PLEKHG1: variants seen among roughly 807,000 people sequenced by gnomAD.
PLEKHG1 encodes the protein pleckstrin homology and RhoGEF domain containing G1.
In PLEKHG1, 44 loss-of-function variants were observed where a neutral mutation model predicts 100.8. The observed-to-expected ratio is 0.44, with a 90% CI of 0.34 to 0.56. PLEKHG1 has a LOEUF of 0.56. PLEKHG1 is among the 20% of genes least tolerant of loss of function. The probability of loss-of-function intolerance (pLI) is 0.01; values close to 1 mark genes in which losing one functional copy is unlikely to be tolerated. For synonymous variants in PLEKHG1, 640 were observed against 662.5 expected (o/e 0.97, Z 0.52); for missense variants, 1,545 against 1,720.9 (o/e 0.90, Z 1.81).
chr6:150,761,734 AG>A (rs1188818741), intron 2 of PLEKHG1, among the ~76,000 whole-genome samples: 2 of 152,244 alleles, frequency 1.3e-5, no homozygotes, highest in Non-Finnish European at 2.9e-5. Context: ...AAAGTCTTTA[AG>A]GGAAAACCAA....
intron 3 of PLEKHG1, among the ~76,000 whole-genome samples, chr6:150,657,134 T>C (rs186110011): frequency 3.3e-5 from 5 of 152,232 alleles, no homozygotes; most frequent in Admixed American, 2.0e-4. Context: ...TAGTAAGACT[T>C]GACAGATCCT....
At chr6:150,782,624 C>A (rs1446491979) in intron 3 of PLEKHG1, among the ~76,000 whole-genome samples, 1 of 152,142 alleles carries the variant, frequency 6.6e-6, no homozygotes, top group Non-Finnish European at 1.5e-5. Flanking sequence ...TCAACCAAAA[C>A]AACAGATTGC....
intron 1 of PLEKHG1, among the ~76,000 whole-genome samples, chr6:150,617,864 C>T (rs1214744530): frequency 6.6e-6 from 1 of 152,138 alleles, no homozygotes; most frequent in African/African-American, 2.4e-5. Context: ...GGTGTGGGAA[C>T]AGGTCTTAAG....
At chr6:150,661,322 T>A (rs772814754) in intron 3 of PLEKHG1, among the ~76,000 whole-genome samples, 2 of 152,220 alleles carry the variant, frequency 1.3e-5, no homozygotes, top group African/African-American at 4.8e-5. Flanking sequence ...TAGGATTTTT[T>A]ATAGAGAAAG....
Position 150,841,913 on chromosome 6 carries a change from A to G in PLEKHG1, c.*1017A>G, listed in dbSNP as rs76040116. On this transcript the variant is annotated 3_prime_UTR_variant, in exon 16 of 16. Transcript: ENST00000358517. ...AACTTGATCCTGGCCCTGAGGAGTC[A>G]TTGGCTGCAGGAATAGGGCAAGAAT... 214 of 152,354 alleles carry G rather than the reference A, an allele frequency of 1.4e-3. 1 individual carries two copies. The highest frequency in any genetic ancestry group is 5.0e-3 in the African/African-American group (207 of 41,586). 9.4% of individuals were successfully genotyped at this position (152,354 alleles called of 1,614,324 possible).
intron 3 of PLEKHG1, among the ~76,000 whole-genome samples, chr6:150,699,082 C>T (rs1179509824): frequency 1.3e-5 from 2 of 152,126 alleles, no homozygotes. Context: ...CTGGTGAAAT[C>T]TGAATGTACC....
intron 2 of PLEKHG1, among the ~76,000 whole-genome samples, chr6:150,640,316 T>C (rs1334012209): frequency 6.6e-6 from 1 of 152,248 alleles, no homozygotes; most frequent in African/African-American, 2.4e-5. Context: ...CAGAAGATGA[T>C]CTTGACTTTT....
chr6:150,818,726 A>G (rs138282013), intron 11 of PLEKHG1, among the ~76,000 whole-genome samples: 13 of 152,338 alleles, frequency 8.5e-5, no homozygotes, highest in Admixed American at 3.3e-4. Flanking sequence ...TTCCTATTAA[A>G]TAAGACCTTA....
At chr6:150,671,997 G>C (rs1937062689) in intron 3 of PLEKHG1, among the ~76,000 whole-genome samples, 1 of 152,152 alleles carries the variant, frequency 6.6e-6, no homozygotes, top group African/African-American at 2.4e-5. Flanking sequence ...TAGCTATTGG[G>C]TGAGAATGAA....
chr6:150,746,257 A>C (rs1783156880), intron 2 of PLEKHG1, among the ~76,000 whole-genome samples: 2 of 152,356 alleles, frequency 1.3e-5, no homozygotes, highest in South Asian at 4.1e-4. Flanking sequence ...TTCAGAAATG[A>C]GAATTATGTT....
At chr6:150,635,478 A>T (rs1233212193) in intron 1 of PLEKHG1, among the ~76,000 whole-genome samples, 1 of 152,244 alleles carries the variant, frequency 6.6e-6, no homozygotes, top group African/African-American at 2.4e-5. Flanking sequence ...GGAAACAAGC[A>T]TCTACTTTGA....
chr6:150,640,228 C>T (rs55840192), intron 2 of PLEKHG1, among the ~76,000 whole-genome samples: 1 of 152,372 alleles, frequency 6.6e-6, no homozygotes, highest in African/African-American at 2.4e-5. Context: ...TTCTAGTCAG[C>T]TCATGACTGA....
At chr6:150,626,384 C>G (rs951741821) in intron 1 of PLEKHG1, among the ~76,000 whole-genome samples, 1 of 152,158 alleles carries the variant, frequency 6.6e-6, no homozygotes, top group East Asian at 1.9e-4. Flanking sequence ...TGAAGGAGAA[C>G]TCGCCATGCT....
intron 5 of PLEKHG1, among the ~76,000 whole-genome samples, chr6:150,798,069 A>G (rs1390734264): frequency 1.3e-5 from 2 of 152,010 alleles, no homozygotes; most frequent in African/African-American, 2.4e-5. Flanking sequence ...CACTTAAGCA[A>G]TTTTCTCTCT....
At position 150,831,877 on chromosome 6, in the gene PLEKHG1, T is replaced by A. The variant is rs2128688573; in HGVS notation, c.2766T>A (p.Ile922=). 6.2e-7 allele frequency: 1 copy of A among 1,613,916 alleles called. No homozygotes were observed. Residue 922 remains isoleucine, a synonymous_variant, in exon 15 of 16, where the codon ATT becomes ATA. Transcript: ENST00000358517. This position sits in a 1 kb window ranked among gnomAD's most constrained non-coding sequence, Gnocchi z 4.1. ...ACTGCCCCTTTGAGGAAGACCTGAT[T>A]TCTAAAGAAGGCTCCTTTATGAGCC...
intron 2 of PLEKHG1, among the ~76,000 whole-genome samples, chr6:150,764,186 C>G (rs1292718887): frequency 3.3e-5 from 5 of 150,350 alleles, no homozygotes; most frequent in African/African-American, 1.2e-4. Flanking sequence ...GGTGCAATCT[C>G]AGCTCATTGC....
intron 4 of PLEKHG1, among the ~76,000 whole-genome samples, chr6:150,791,602 A>C (rs1215431386): frequency 6.6e-6 from 1 of 151,648 alleles, no homozygotes. Flanking sequence ...CCCGGGAAGC[A>C]GAGGTTGCAG....
In PLEKHG1 at chr6:150,823,682, C is replaced by T. The variant is rs1776434059; in HGVS notation, c.1470+6C>T. Reference sequence around the variant, plus strand: ...CAGCACAAGACATCCAAAAGGTAAGCTCTATCTCATTTCTTACTTGGAAAT... The same window carrying T: ...CAGCACAAGACATCCAAAAGGTAAGTTCTATCTCATTTCTTACTTGGAAAT... On this transcript the variant is annotated splice_donor_region_variant and intron_variant, in intron 14 of 15. Coordinates refer to ENST00000358517, the Ensembl canonical transcript of PLEKHG1. 1 of 1,609,154 alleles carries T rather than the reference C, an allele frequency of 6.2e-7. No homozygotes were observed. Among genetic ancestry groups the T allele is most frequent in the Non-Finnish European group, 8.5e-7 (1 of 1,175,842 alleles).
intron 3 of PLEKHG1, among the ~76,000 whole-genome samples, chr6:150,785,014 G>A (rs1206706636): frequency 6.7e-6 from 1 of 150,108 alleles, no homozygotes; most frequent in Non-Finnish European, 1.5e-5. Context: ...TTGACAGAGT[G>A]AGACCCTGTC....
Sources: allele counts gnomAD v4.1 joint callset (sites outside exome capture counted in the v4.1 genomes callset), GRCh38; gene constraint gnomAD v4.1.1; non-coding constraint Gnocchi (gnomAD v3.1); transcripts MANE v1.5; gene names NCBI Gene and HGNC (gene_info 2026-07-23, HGNC 2026-07-21).